FBLN1: variants seen among roughly 807,000 people sequenced by gnomAD.
FBLN1 encodes fibulin 1.
In FBLN1, 34 loss-of-function variants were observed where a neutral mutation model predicts 89.7. That is an observed-to-expected ratio of 0.38 (90% CI 0.29 to 0.50). The LOEUF is 0.50. Among genes scored for constraint, FBLN1 ranks in the 20% least tolerant of loss-of-function variants. The pLI, the probability that FBLN1 is intolerant of heterozygous loss-of-function variation, is 0.92. For missense variants in FBLN1, 777 were observed against 988.1 expected (o/e 0.79, Z 2.86); for synonymous variants, 393 against 391.3 (o/e 1.00, Z -0.05).
rs965090091 is a variant in FBLN1, at chr22:45,556,338, C to T, written c.1697+5723C>T. On this transcript the variant is annotated intron_variant, in intron 14 of 16. Transcript: ENST00000327858. The surrounding 1 kb of genome is among the most constrained non-coding windows in gnomAD (Gnocchi z 4.6). ...AGGAAATACTCACGACAATTACAGT[C>T]CTCGTTTCTGCAACTGGTCACATGG... Among the ~76,000 whole-genome samples the T allele has an allele frequency of 6.6e-6, 1 of 152,200 alleles. No individual in the cohort carries two copies. The highest frequency in any genetic ancestry group is 2.1e-4 in the South Asian group (1 of 4,832).
chr22:45,594,368 C>G (rs1397002127), intron 16 of FBLN1, among the ~76,000 whole-genome samples: 2 of 152,190 alleles, frequency 1.3e-5, no homozygotes, highest in African/African-American at 2.4e-5. Context: ...GCACGTGGCT[C>G]AGCCTCATCT....
At chr22:45,513,567 A>G (rs2088129993) in intron 1 of FBLN1, among the ~76,000 whole-genome samples, 2 of 151,298 alleles carry the variant, frequency 1.3e-5, no homozygotes, top group Admixed American at 1.3e-4. Context: ...CAGTCACATT[A>G]TTGTACAATC....
rs188575622 is a variant in FBLN1, at chr22:45,536,507, G to C, written c.922+1170G>C. On this transcript the variant is annotated intron_variant, in intron 8 of 16. Transcript: ENST00000327858. This position sits in a 1 kb window ranked among gnomAD's most constrained non-coding sequence, Gnocchi z 5.1. ...TGGCCAGGCACGGTGGCTCACACTT[G>C]TAATCCCAGCACTTTGGGAGGCCGA... Among the ~76,000 whole-genome samples the C allele has an allele frequency of 1.3e-5, 2 of 152,322 alleles. No homozygotes were observed. Among genetic ancestry groups the C allele is most frequent in the East Asian group, 3.9e-4 (2 of 5,182 alleles).
rs568343780 is a variant in FBLN1, at chr22:45,548,615, A to G, written c.1444A>G (p.Ile482Val). Residue 482 changes from isoleucine (I) to valine (V), a missense_variant and splice_region_variant, in exon 13 of 17, where the codon ATC becomes GTC. Physicochemically the swap from Ile to Val is conservative, Grantham distance 29. Transcript: ENST00000327858. ...TGAGGTGGGCTTTGCCGTTGCAGAC[A>G]TCGACGAGTGCGCCCTGCCCACCGG... ...SDVDGVTCED[I>V]DECALPTGGH... The G allele has an allele frequency of 6.2e-7, 1 of 1,613,472 alleles. No individual in the cohort carries two copies. Among genetic ancestry groups the G allele is most frequent in the African/African-American group, 1.3e-5 (1 of 74,906 alleles).
chr22:45,535,592 C>G, intron 8 of FBLN1: 1 of 473,974 alleles, frequency 2.1e-6, no homozygotes, highest in South Asian at 2.4e-5. Context: ...ATGGGTGTGG[C>G]TGTGTTCCAA....
In FBLN1 at chr22:45,508,286, C is replaced by CTTTTTTTTTTTTTTTTTTTT. The variant is rs1350335831; in HGVS notation, c.79+5231_79+5232insTTTTTTTTTTTTTTTTTTTT. Reference sequence around the variant, plus strand: ...CAGCACACTGGACAGCCTCGCGTATCTTTTTTTTTGAGACGGAGTCTTGCA... The same window carrying CTTTTTTTTTTTTTTTTTTTT: ...CAGCACACTGGACAGCCTCGCGTATCTTTTTTTTTTTTTTTTTTTTTTTTTTTTTGAGACGGAGTCTTGCA... On this transcript the variant is annotated intron_variant, in intron 1 of 16. Transcript: ENST00000327858. Among the ~76,000 whole-genome samples, 9 of 129,132 alleles carry CTTTTTTTTTTTTTTTTTTTT rather than the reference C, an allele frequency of 7.0e-5. 1 individual carries two copies. The highest frequency in any genetic ancestry group is 8.1e-5 in the Non-Finnish European group (5 of 61,712). 84.7% of individuals were successfully genotyped at this position (129,132 alleles called of 152,430 possible).
chr22:45,531,450 G>A lies in FBLN1; in HGVS notation c.544+126G>A. On this transcript the variant is annotated intron_variant, in intron 5 of 16. Coordinates refer to ENST00000327858, the MANE Select transcript of FBLN1 (RefSeq NM_006486.3). The surrounding 1 kb of genome is among the most constrained non-coding windows in gnomAD (Gnocchi z 4.9). Reference sequence around the variant, plus strand: ...CAGGAGGATTCCTTGAGCCCAGGAGGTTGTGGCTGCAGTGAGCTATGACTG... The same window carrying A: ...CAGGAGGATTCCTTGAGCCCAGGAGATTGTGGCTGCAGTGAGCTATGACTG... 2 of 814,224 alleles carry A rather than the reference G, an allele frequency of 2.5e-6. No individual in the cohort carries two copies. Among genetic ancestry groups the A allele is most frequent in the Admixed American group, 1.9e-5 (1 of 52,106 alleles). The allele number at this position is 814,224 out of a possible 1,614,324, so 50.4% of individuals were successfully genotyped here. A position where few individuals can be genotyped will look rare whatever the true frequency, so the allele number is the denominator to read the frequency against.
In FBLN1 at chr22:45,565,661, A is replaced by G. The variant is rs2088895512; in HGVS notation, c.1698-8850A>G. 1.6e-5 allele frequency: 3 copies of G among 192,102 alleles called. No homozygotes were observed. The South Asian group carries it at 3.3e-4, about 21-fold the overall frequency. 11.9% of individuals were successfully genotyped at this position (192,102 alleles called of 1,614,324 possible). A position where few individuals can be genotyped will look rare whatever the true frequency, so the allele number is the denominator to read the frequency against. ...AACTTTGCAATGTTTGGCTTGAAGA[A>G]GGAGCTCAGTAAACATCTGAATAAA... On this transcript the variant is annotated intron_variant, in intron 14 of 16. Coordinates refer to ENST00000327858, the MANE Select transcript of FBLN1 (RefSeq NM_006486.3).
rs2088961136 is a variant in FBLN1, at chr22:45,572,658, G to A, written c.1698-1853G>A. Among the ~76,000 whole-genome samples, 1 of 152,274 alleles carries A rather than the reference G, an allele frequency of 6.6e-6. No individual in the cohort carries two copies. The highest frequency in any genetic ancestry group is 1.5e-5 in the Non-Finnish European group (1 of 68,042). The stretch of plus-strand genomic sequence containing the variant: ...GCATTTTGCAATCCTTGATGAATCA[G>A]TGGGCGTAGGCCTTGAGCATCAGTA... On this transcript the variant is annotated intron_variant, in intron 14 of 16. Transcript: ENST00000327858. The surrounding 1 kb of genome is among the most constrained non-coding windows in gnomAD (Gnocchi z 5.8).
chr22:45,570,696 C>T (rs1259667704), intron 14 of FBLN1, among the ~76,000 whole-genome samples: 1 of 152,170 alleles, frequency 6.6e-6, no homozygotes, highest in Admixed American at 6.5e-5. Flanking sequence ...TATACATGAT[C>T]TCAAGAAAAC....
intron 11 of FBLN1, 115 bp from the exon 12 acceptor site, chr22:45,546,970 A>G: frequency 1.3e-6 from 2 of 1,524,038 alleles, no homozygotes; most frequent in Non-Finnish European, 1.8e-6. Flanking sequence ...TGTCTCTCCG[A>G]GTGTGTTAAC....
rs987010986 is a variant in FBLN1 at position 45,583,590 on chromosome 22, C to T, written c.1972+6482C>T. Among the ~76,000 whole-genome samples the T allele has an allele frequency of 5.9e-5, 9 of 152,264 alleles. No homozygotes were observed. The highest frequency in any genetic ancestry group is 3.4e-3 in the Middle Eastern group (1 of 294). On this transcript the variant is annotated intron_variant, in intron 16 of 16. Coordinates refer to ENST00000327858, the MANE Select transcript of FBLN1 (RefSeq NM_006486.3). This position sits in a 1 kb window ranked among gnomAD's most constrained non-coding sequence, Gnocchi z 4.5. ...TCAGTTCTTCCTAATTTCGCCTTGC[C>T]GTCTCTCTTGAGAGTGGCTATACCT...
chr22:45,517,527 G>T, intron 1 of FBLN1: 1 of 470,438 alleles, frequency 2.1e-6, no homozygotes, highest in Non-Finnish European at 4.4e-6. Context: ...GCCTGGCTCT[G>T]AGGGTGTGGG....
intron 2 of FBLN1, among the ~76,000 whole-genome samples, chr22:45,523,910 C>T (rs757482632): frequency 5.3e-5 from 8 of 152,220 alleles, no homozygotes; most frequent in East Asian, 1.9e-4. Context: ...GCAATGCACA[C>T]GGGTTCCAGC....
intron 1 of FBLN1, chr22:45,517,833 G>T: frequency 2.8e-6 from 1 of 353,148 alleles, no homozygotes. Context: ...AGCTGGTCTA[G>T]AAATGGTGGT....
chr22:45,545,911 G>A lies in FBLN1; in HGVS notation c.1322-1174G>A, dbSNP rs1477619819. On this transcript the variant is annotated intron_variant, in intron 11 of 16. Coordinates refer to ENST00000327858, the MANE Select transcript of FBLN1 (RefSeq NM_006486.3). This position sits in a 1 kb window ranked among gnomAD's most constrained non-coding sequence, Gnocchi z 5.9. ...ACCTGTAATCCCAGCACTTTGGGAG[G>A]CTGAGGCAGGTGGATTACTTGAGGT... Among the ~76,000 whole-genome samples the A allele has an allele frequency of 6.6e-6, 1 of 152,132 alleles. No homozygotes were observed. Among genetic ancestry groups the A allele is most frequent in the African/African-American group, 2.4e-5 (1 of 41,424 alleles).
chr22:45,572,706 CCA>C lies in FBLN1; in HGVS notation c.1698-1804_1698-1803del, dbSNP rs2088961486. 6.6e-6 allele frequency among the ~76,000 whole-genome samples: 1 copy of C among 152,222 alleles called. No homozygotes were observed. The highest frequency in any genetic ancestry group is 2.4e-5 in the African/African-American group (1 of 41,460). On this transcript the variant is annotated intron_variant, in intron 14 of 16. Coordinates refer to ENST00000327858, the MANE Select transcript of FBLN1 (RefSeq NM_006486.3). This position sits in a 1 kb window ranked among gnomAD's most constrained non-coding sequence, Gnocchi z 5.8. Reference sequence around the variant, plus strand: ...GTAGATGCTGTCCTCACAGAGACAGCCAGTCACTGTGTGGCTCTCACTGAAGA... The same window carrying C: ...GTAGATGCTGTCCTCACAGAGACAGCGTCACTGTGTGGCTCTCACTGAAGA...
Position 45,590,518 on chromosome 22 carries a change from C to A in FBLN1, c.1973-9789C>A, listed in dbSNP as rs2089127078. 6.6e-6 allele frequency among the ~76,000 whole-genome samples: 1 copy of A among 152,170 alleles called. No homozygotes were observed. Among genetic ancestry groups the A allele is most frequent in the African/African-American group, 2.4e-5 (1 of 41,448 alleles). On this transcript the variant is annotated intron_variant, in intron 16 of 16. Coordinates refer to ENST00000327858, the MANE Select transcript of FBLN1 (RefSeq NM_006486.3). This position sits in a 1 kb window ranked among gnomAD's most constrained non-coding sequence, Gnocchi z 4.1. ...GTGGGGGTAGGGTGAGAAGAGCCCC[C>A]TGCAGAGCCACAGTGGGCCCCCACG...
Position 45,575,061 on chromosome 22 carries a change from C to T in FBLN1, c.1840+408C>T, listed in dbSNP as rs1296074894. On this transcript the variant is annotated intron_variant, in intron 15 of 16. Coordinates refer to ENST00000327858, the MANE Select transcript of FBLN1 (RefSeq NM_006486.3). The surrounding 1 kb of genome is among the most constrained non-coding windows in gnomAD (Gnocchi z 6.3). ...CCTCCCAAAGTGCTGGGATTACAGG[C>T]GTGAGCCACCGCGCCTGGCAACTTG... is the stretch of plus-strand genomic sequence containing the variant. Among the ~76,000 whole-genome samples the T allele has an allele frequency of 6.6e-5, 10 of 152,274 alleles. No homozygotes were observed. In the South Asian group the frequency reaches 8.3e-4, roughly 13 times the overall value.
Sources: gnomAD v4.1 joint callset for allele counts (sites outside exome capture counted in the v4.1 genomes callset) on GRCh38, gnomAD v4.1.1 for gene constraint, Gnocchi (gnomAD v3.1) non-coding constraint, MANE v1.5 for transcripts, NCBI Gene and HGNC (gene_info 2026-07-23, HGNC 2026-07-21) for gene names.